DYNLRB1: variants seen among roughly 807,000 people sequenced by gnomAD.
DYNLRB1 encodes dynein light chain roadblock-type 1.
In DYNLRB1, 6 loss-of-function variants were observed where a neutral mutation model predicts 13.5. The ratio of observed to expected loss-of-function variants is 0.44; its 90% CI spans 0.24 to 0.88. The LOEUF (loss-of-function observed/expected upper bound fraction) is 0.88, where lower values mean the gene tolerates loss of function less well. DYNLRB1 is among the 40% of genes least tolerant of loss of function. The pLI is 0.21. For synonymous variants in DYNLRB1, 43 were observed against 45.0 expected, an observed-to-expected ratio of 0.96 and a Z score of 0.18; for missense variants, 93 against 127.2, an observed-to-expected ratio of 0.73 and a Z score of 1.29.
In DYNLRB1 at chr20:34,534,563, G is replaced by C. The variant is rs971218915; in HGVS notation, c.80-65G>C. 18 of 1,507,884 alleles carry C rather than the reference G, an allele frequency of 1.2e-5. No homozygotes were observed. The African/African-American group carries it at 1.8e-4, about 15-fold the overall frequency. 93.4% of individuals were successfully genotyped at this position (1,507,884 alleles called of 1,614,324 possible). On this transcript the variant is annotated intron_variant, in intron 2 of 3. Transcript: ENST00000357156. ...CTATTCCAGTTCTCCCCAATTAGGGGTGTGGGTGGGAGCTCGGCAGAAGGG... is the reference window on the plus strand; with the variant it reads ...CTATTCCAGTTCTCCCCAATTAGGGCTGTGGGTGGGAGCTCGGCAGAAGGG...
At chr20:34,529,973 G>A (rs1980582793) in intron 2 of DYNLRB1, 1 of 1,344,086 alleles carries the variant, frequency 7.4e-7, no homozygotes. Context: ...ACTGCCTCGA[G>A]TCCTGTGATG....
chr20:34,534,650 G>C lies in DYNLRB1; in HGVS notation c.102G>C (p.Met34Ile), dbSNP rs780548248. 1.3e-6 allele frequency: 2 copies of C among 1,575,866 alleles called. No individual in the cohort carries two copies. The highest frequency in any genetic ancestry group is 3.5e-5 in the Admixed American group (2 of 57,370). Residue 34 changes from methionine (M) to isoleucine (I), a missense_variant, in exon 3 of 4, where the codon ATG (methionine) becomes ATC (isoleucine). Met to Ile is a conservative substitution (Grantham distance 10). Transcript: ENST00000357156. ...CAGGCATTCCCATCAAGAGCACCAT[G>C]GACAACCCCACCACCACCCAGTATG... ...NTEGIPIKST[M>I]DNPTTTQYAS...
At chr20:34,519,273 C>T (rs1190257509) in intron 1 of DYNLRB1, among the ~76,000 whole-genome samples, 2 of 152,120 alleles carry the variant, frequency 1.3e-5, no homozygotes, top group African/African-American at 2.4e-5. Context: ...ATGTGGTCCC[C>T]ATCTTACTAC....
chr20:34,540,463 T>G, intron 3 of DYNLRB1, 118 bp from the exon 4 acceptor site: 4 of 940,358 alleles, frequency 4.3e-6, no homozygotes, highest in Middle Eastern at 3.2e-4. Context: ...TTGATGCTTT[T>G]TGTTGCTTTC....
chr20:34,528,052 C>T lies in DYNLRB1; in HGVS notation c.79+1709C>T, dbSNP rs1434377439. Among the ~76,000 whole-genome samples the T allele has an allele frequency of 7.6e-5, 3 of 39,556 alleles. 1 individual carries two copies. Among genetic ancestry groups the T allele is most frequent in the Non-Finnish European group, 1.8e-4 (3 of 16,896 alleles). 26.0% of individuals were successfully genotyped at this position (39,556 alleles called of 152,430 possible). ...AGCCGGCCGGGCGCGGTGGCTCACG[C>T]CTGTAATCCCAGCACTTTGGGAGGC... On this transcript the variant is annotated intron_variant, in intron 2 of 3. Transcript: ENST00000357156.
intron 3 of DYNLRB1, among the ~76,000 whole-genome samples, chr20:34,539,515 A>G (rs1056737432): frequency 3.3e-5 from 5 of 151,932 alleles, no homozygotes; most frequent in South Asian, 2.1e-4. Context: ...CCCCATCTGT[A>G]CAAAACTTTT....
At chr20:34,517,496 G>A (rs1395294679) in intron 1 of DYNLRB1, among the ~76,000 whole-genome samples, 2 of 151,826 alleles carry the variant, frequency 1.3e-5, no homozygotes, top group Non-Finnish European at 2.9e-5. Flanking sequence ...AAAAAAAATT[G>A]ATATATAATA....
chr20:34,540,522 T>C (rs1981494113), intron 3 of DYNLRB1, 59 bp from the exon 4 acceptor site: 2 of 1,513,186 alleles, frequency 1.3e-6, no homozygotes, highest in East Asian at 4.5e-5. Flanking sequence ...ATTTGCTTTC[T>C]TGTGTGTTTT....
At chr20:34,534,170 C>A (rs2146646469) in intron 2 of DYNLRB1, among the ~76,000 whole-genome samples, 1 of 152,308 alleles carries the variant, frequency 6.6e-6, no homozygotes, top group South Asian at 2.1e-4. Context: ...GGTTTCAATT[C>A]TAAGCACTAT....
chr20:34,530,104 A>G (rs754082262), intron 2 of DYNLRB1: 17 of 1,237,078 alleles, frequency 1.4e-5, no homozygotes, highest in East Asian at 6.4e-5. Context: ...CCAGGGGCCA[A>G]CAGCCCCAGC....
intron 3 of DYNLRB1, among the ~76,000 whole-genome samples, chr20:34,538,429 A>G (rs947765349): frequency 6.6e-6 from 1 of 152,010 alleles, no homozygotes. Flanking sequence ...AGCGAGACCC[A>G]GTCTCAAAAA....
At chr20:34,538,917 G>T (rs1393242599) in intron 3 of DYNLRB1, among the ~76,000 whole-genome samples, 3 of 152,226 alleles carry the variant, frequency 2.0e-5, no homozygotes, top group African/African-American at 7.2e-5. Context: ...ATTTACCCTG[G>T]ATTGGGCAAG....
chr20:34,535,838 A>G, intron 3 of DYNLRB1: 1 of 985,186 alleles, frequency 1.0e-6, no homozygotes, highest in Non-Finnish European at 1.2e-6. Context: ...GCAGGAGGTG[A>G]TAGGATTATG....
chr20:34,520,246 A>G (rs1032845844), intron 1 of DYNLRB1, among the ~76,000 whole-genome samples: 1 of 152,148 alleles, frequency 6.6e-6, no homozygotes, highest in African/African-American at 2.4e-5. Flanking sequence ...TCACATATGC[A>G]TATTTTCCAA....
rs551491418 is a variant in DYNLRB1, at chr20:34,522,717, A to T, written c.4-3551A>T. 2.6e-5 allele frequency among the ~76,000 whole-genome samples: 4 copies of T among 151,924 alleles called. No individual in the cohort carries two copies. The South Asian group carries it at 6.2e-4, about 24-fold the overall frequency. The stretch of plus-strand genomic sequence containing the variant: ...TCAAACTCCTGGGCTCAAGCAGTCT[A>T]CCTGCTTTGGTCCCCCAAAGTGCTG... On this transcript the variant is annotated intron_variant, in intron 1 of 3. Coordinates refer to ENST00000357156, the MANE Select transcript of DYNLRB1 (RefSeq NM_014183.4).
intron 1 of DYNLRB1, chr20:34,516,892 A>G: frequency 6.7e-7 from 1 of 1,484,626 alleles, no homozygotes; most frequent in Non-Finnish European, 9.0e-7. Context: ...TACAATCTTT[A>G]GTCCCATTTT....
intron 1 of DYNLRB1, among the ~76,000 whole-genome samples, chr20:34,521,768 C>T (rs1004945057): frequency 1.3e-5 from 2 of 152,096 alleles, no homozygotes; most frequent in Admixed American, 6.6e-5. Flanking sequence ...TACTTATGGC[C>T]GAGAATGGTG....
chr20:34,533,447 T>C, intron 2 of DYNLRB1: 32 of 983,924 alleles, frequency 3.3e-5, no homozygotes, highest in Non-Finnish European at 3.7e-5. Context: ...TTATAGCTGC[T>C]ACCCAAGCCT....
intron 1 of DYNLRB1, among the ~76,000 whole-genome samples, chr20:34,524,766 C>G (rs1568599348): frequency 6.6e-6 from 1 of 151,796 alleles, no homozygotes; most frequent in Non-Finnish European, 1.5e-5. Context: ...CCCAGTCGCC[C>G]ATGCTGGAGT....
Sources: allele counts gnomAD v4.1 joint callset (sites outside exome capture counted in the v4.1 genomes callset), GRCh38; gene constraint gnomAD v4.1.1; transcripts MANE v1.5; gene names NCBI Gene and HGNC (gene_info 2026-07-23, HGNC 2026-07-21).